The following SLC45A2 variants were observed in gnomAD, a reference collection of about 807,000 sequenced individuals.
SLC45A2 encodes the protein solute carrier family 45 member 2.
In SLC45A2, 36 loss-of-function variants were observed where a neutral mutation model predicts 45.5. The observed-to-expected ratio is 0.79, with a 90% CI of 0.61 to 1.04. The LOEUF is 1.04. Ranked by LOEUF, SLC45A2 falls within the 50% of genes least tolerant of loss-of-function variation. The probability of loss-of-function intolerance (pLI) is 0.00; values close to 1 mark genes in which losing one functional copy is unlikely to be tolerated. For missense variants in SLC45A2, 719 were observed against 671.0 expected (o/e 1.07, Z -0.79); for synonymous variants, 306 against 269.3 (o/e 1.14, Z -1.33).
rs759416528 is a variant in SLC45A2, at chr5:33,954,496, C to T, written c.897G>A (p.Arg299=). ...TCAGCAGTGACTTTAATGTCATTGCCCTGCGAGTCTGAAATAAAACATGAA... is the reference window on the plus strand; with the variant it reads ...TCAGCAGTGACTTTAATGTCATTGCTCTGCGAGTCTGAAATAAAACATGAA... The part of the protein sequence containing the change: ...KNKNHAEQTR[R]AMTLKSLLRA... The change falls in exon 4 of 7, where the codon AGG becomes AGA. Residue 299 remains arginine (R), a synonymous_variant. Coordinates refer to ENST00000296589, the MANE Select transcript of SLC45A2 (RefSeq NM_016180.5). 8 of 1,613,786 alleles carry T rather than the reference C, an allele frequency of 5.0e-6. No individual in the cohort carries two copies. In the Admixed American group the frequency reaches 1.2e-4, roughly 24 times the overall value.
At chr5:33,982,071 C>A (rs1415467286) in intron 2 of SLC45A2, among the ~76,000 whole-genome samples, 165 bp downstream of exon 2, 1 of 152,242 alleles carries the variant, frequency 6.6e-6, no homozygotes, top group Non-Finnish European at 1.5e-5. Context: ...CACAAGCTGA[C>A]TGTTCAGAGA....
intron 3 of SLC45A2, among the ~76,000 whole-genome samples, chr5:33,958,982 T>C (rs1292902157): frequency 6.6e-6 from 1 of 152,198 alleles, no homozygotes; most frequent in Non-Finnish European, 1.5e-5. Flanking sequence ...TATACTTTTA[T>C]TTAGTAAAAC....
chr5:33,969,065 C>CTCTCTCTCTCTCTCTCTCTCTCTGTG lies in SLC45A2; in HGVS notation c.563-5050_563-5049insCACAGAGAGAGAGAGAGAGAGAGAGA. 4.8e-3 allele frequency among the ~76,000 whole-genome samples: 494 copies of CTCTCTCTCTCTCTCTCTCTCTCTGTG among 102,410 alleles called. 7 individuals carry two copies. Among genetic ancestry groups the CTCTCTCTCTCTCTCTCTCTCTCTGTG allele is most frequent in the Non-Finnish European group, 6.8e-3 (338 of 49,608 alleles). 67.2% of individuals were successfully genotyped at this position (102,410 alleles called of 152,430 possible). On this transcript the variant is annotated intron_variant, in intron 2 of 6. Transcript: ENST00000296589. ...AGCTACTCTCTCTCTCTCTCTCTCT[C>CTCTCTCTCTCTCTCTCTCTCTCTGTG]TGTGTGTGTGTGTGTGTGTGTGTGT...
At chr5:33,946,841 T>C in intron 6 of SLC45A2, 1 of 1,295,270 alleles carries the variant, frequency 7.7e-7, no homozygotes, top group Non-Finnish European at 9.8e-7. Flanking sequence ...TGGGTCCCCC[T>C]TTTTTTGTCT....
intron 5 of SLC45A2, 116 bp from the exon 6 acceptor site, chr5:33,947,490 C>G: frequency 9.9e-7 from 1 of 1,006,768 alleles, no homozygotes; most frequent in Non-Finnish European, 1.5e-6. Context: ...GATACTGAGC[C>G]AGGAACAAAA....
At chr5:33,952,736 A>T (rs1752151646) in intron 4 of SLC45A2, among the ~76,000 whole-genome samples, 1 of 137,504 alleles carries the variant, frequency 7.3e-6, no homozygotes, top group South Asian at 2.4e-4. Context: ...GTACATGTGC[A>T]CATTGTGCAG....
rs188216331 is a variant in SLC45A2 at position 33,950,096 on chromosome 5, C to T, written c.1156+1458G>A. ...CTTGTGGTCCCGGGTACTCAGAGGG[C>T]TGGGACTTGCTTGAGCCCAGAAGGT... On this transcript the variant is annotated intron_variant, in intron 5 of 6. Transcript: ENST00000296589. Among the ~76,000 whole-genome samples the T allele has an allele frequency of 2.1e-3, 319 of 152,046 alleles. 1 individual carries two copies. Among genetic ancestry groups the T allele is most frequent in the African/African-American group, 7.4e-3 (309 of 41,482 alleles).
intron 2 of SLC45A2, chr5:33,971,464 G>C: frequency 2.5e-6 from 1 of 403,268 alleles, no homozygotes; most frequent in African/African-American, 2.1e-5. Flanking sequence ...TTGGAGACAG[G>C]GTCTCACTCT....
chr5:33,956,218 C>T (rs1752271964), intron 3 of SLC45A2, among the ~76,000 whole-genome samples: 1 of 152,034 alleles, frequency 6.6e-6, no homozygotes, highest in Non-Finnish European at 1.5e-5. Context: ...TCAATGGGTA[C>T]CAAAAGTATT....
At chr5:33,973,566 C>G (rs1752844225) in intron 2 of SLC45A2, among the ~76,000 whole-genome samples, 1 of 152,216 alleles carries the variant, frequency 6.6e-6, no homozygotes, top group African/African-American at 2.4e-5. Flanking sequence ...GTTTTTAAGA[C>G]TCTTTTCTTA....
intron 3 of SLC45A2, among the ~76,000 whole-genome samples, chr5:33,958,046 G>T (rs547135416): frequency 6.6e-6 from 1 of 152,264 alleles, no homozygotes; most frequent in South Asian, 2.1e-4. Flanking sequence ...CTTGGGAGTT[G>T]TTTTACTGCA....
chr5:33,964,003 G>A lies in SLC45A2; in HGVS notation c.576C>T (p.Ala192=). The A allele has an allele frequency of 6.2e-7, 1 of 1,613,780 alleles. No homozygotes were observed. Among genetic ancestry groups the A allele is most frequent in the Admixed American group, 1.7e-5 (1 of 59,990 alleles). The change falls in exon 3 of 7, where the codon GCC becomes GCT. Residue 192 remains alanine, a synonymous_variant. Transcript: ENST00000296589. ...CTATAGCACCCAAAAGGTAACCCAGGGCACCTCCAAAACCTGGAAAGCAAG... is the reference window on the plus strand; with the variant it reads ...CTATAGCACCCAAAAGGTAACCCAGAGCACCTCCAAAACCTGGAAAGCAAG... ...YHALFTGFGG[A]LGYLLGAIDW...
chr5:33,971,344 C>T (rs1341135803), intron 2 of SLC45A2: 1 of 509,296 alleles, frequency 2.0e-6, no homozygotes, highest in Non-Finnish European at 3.9e-6. Context: ...GGAATAATAC[C>T]TCCAAAAGGC....
chr5:33,946,359 T>G (rs1751927213), intron 6 of SLC45A2: 1 of 985,386 alleles, frequency 1.0e-6, no homozygotes, highest in Admixed American at 6.1e-5. Flanking sequence ...CTGATGGTTA[T>G]ATGTTCAGTG....
At chr5:33,955,717 A>G (rs904819692) in intron 3 of SLC45A2, among the ~76,000 whole-genome samples, 5 of 152,188 alleles carry the variant, frequency 3.3e-5, no homozygotes, top group Admixed American at 3.3e-4. Flanking sequence ...TTATGAAAAA[A>G]TTATGCATGG....
chr5:33,962,772 T>C (rs1423676), intron 3 of SLC45A2, among the ~76,000 whole-genome samples: 141,968 of 152,340 alleles, frequency 0.93, 66,744 homozygotes, highest in Non-Finnish European at 0.99. Context: ...GGTTACCCTA[T>C]AGCAAGTAGC....
chr5:33,959,655 C>T (rs986120898), intron 3 of SLC45A2, among the ~76,000 whole-genome samples: 1 of 152,184 alleles, frequency 6.6e-6, no homozygotes, highest in Admixed American at 6.5e-5. Context: ...CTCTCTTCAA[C>T]TGTATTCTCC....
intron 4 of SLC45A2, 119 bp downstream of exon 4, chr5:33,954,242 G>T (rs1453784852): frequency 6.4e-6 from 9 of 1,416,396 alleles, no homozygotes; most frequent in Non-Finnish European, 8.8e-6. Context: ...CTTCTTGATG[G>T]TACCCTTTCC....
At chr5:33,946,679 C>T (rs1439069764) in intron 6 of SLC45A2, 3 of 1,028,218 alleles carry the variant, frequency 2.9e-6, no homozygotes, top group Non-Finnish European at 1.2e-6. Flanking sequence ...AATCTGGACT[C>T]CATTGCCTAG....
Sources: gnomAD v4.1 joint callset for allele counts (sites outside exome capture counted in the v4.1 genomes callset) on GRCh38, gnomAD v4.1.1 for gene constraint, MANE v1.5 for transcripts, NCBI Gene and HGNC (gene_info 2026-07-23, HGNC 2026-07-21) for gene names.